MECOM: variants seen among roughly 807,000 people sequenced by gnomAD.
The protein encoded by MECOM is MDS1 and EVI1 complex locus.
Under a neutral mutation model 116.3 loss-of-function variants are expected in MECOM, and 13 were observed. The ratio of observed to expected loss-of-function variants is 0.11; its 90% CI spans 0.07 to 0.18. The LOEUF (loss-of-function observed/expected upper bound fraction) is 0.18. Ranked by LOEUF, MECOM falls within the 10% of genes least tolerant of loss-of-function variation. MECOM has a pLI of 1.00. For missense variants in MECOM, 1,299 were observed against 1,509.0 expected (o/e 0.86, Z 2.31); for synonymous variants, 528 against 535.2 (o/e 0.99, Z 0.19).
chr3:169,293,979 A>G (rs1330488874), intron 2 of MECOM, among the ~76,000 whole-genome samples: 1 of 152,186 alleles, frequency 6.6e-6, no homozygotes, highest in Non-Finnish European at 1.5e-5. Context: ...ATTTTGCCTA[A>G]TTCTAACATT....
At chr3:169,470,850 T>C (rs544713172) in intron 1 of MECOM, among the ~76,000 whole-genome samples, 1 of 152,262 alleles carries the variant, frequency 6.6e-6, no homozygotes, top group East Asian at 1.9e-4. Flanking sequence ...GATTTAGAGA[T>C]AGATTCAAAT....
chr3:169,582,682 A>G (rs1377777741), intron 1 of MECOM, among the ~76,000 whole-genome samples: 1 of 152,194 alleles, frequency 6.6e-6, no homozygotes, highest in South Asian at 2.1e-4. Context: ...CTGATGTTTC[A>G]TCCTTTCACC....
At chr3:169,247,958 C>A (rs1755799121) in intron 2 of MECOM, among the ~76,000 whole-genome samples, 1 of 152,128 alleles carries the variant, frequency 6.6e-6, no homozygotes, top group Non-Finnish European at 1.5e-5. Context: ...GACTTTTGCC[C>A]AGTGAACCTA....
intron 1 of MECOM, among the ~76,000 whole-genome samples, chr3:169,554,133 A>G (rs924376527): frequency 6.6e-6 from 1 of 152,168 alleles, no homozygotes; most frequent in Non-Finnish European, 1.5e-5. Context: ...TAGAAACCTC[A>G]TGGCCTTCCA....
chr3:169,334,922 C>T (rs1723347793), intron 2 of MECOM, among the ~76,000 whole-genome samples: 1 of 152,096 alleles, frequency 6.6e-6, no homozygotes, highest in African/African-American at 2.4e-5. Flanking sequence ...ATTTAGACTT[C>T]CCTTGCATAT....
intron 2 of MECOM, among the ~76,000 whole-genome samples, chr3:169,214,684 A>C (rs1751200952): frequency 6.6e-6 from 1 of 151,426 alleles, no homozygotes; most frequent in Non-Finnish European, 1.5e-5. Flanking sequence ...ATTTTTAATA[A>C]ACATATTTTT....
rs1560554373 is a variant in MECOM, at chr3:169,663,529, T to TCC, written c.-159_-158dup. On this transcript the variant is annotated 5_prime_UTR_variant, in exon 1 of 17. Coordinates refer to ENST00000651503, the MANE Select transcript of MECOM (RefSeq NM_004991.4). Reference sequence around the variant, plus strand: ...CTCTCTCTCTCTCTCTCTCTCTCTCTCCCTCCCTCCTGTTTCTCTCCTGTT... The same window carrying TCC: ...CTCTCTCTCTCTCTCTCTCTCTCTCTCCCCCTCCCTCCTGTTTCTCTCCTGTT... 23 of 559,898 alleles carry TCC rather than the reference T, an allele frequency of 4.1e-5. No individual in the cohort carries two copies. Among genetic ancestry groups the TCC allele is most frequent in the South Asian group, 1.2e-4 (6 of 48,090 alleles). 34.7% of individuals were successfully genotyped at this position (559,898 alleles called of 1,614,324 possible). A position where few individuals can be genotyped will look rare whatever the true frequency, so the allele number is the denominator to read the frequency against.
intron 1 of MECOM, among the ~76,000 whole-genome samples, chr3:169,584,053 C>A (rs1047488001): frequency 6.6e-6 from 1 of 152,188 alleles, no homozygotes; most frequent in Non-Finnish European, 1.5e-5. Flanking sequence ...CATGCATTTA[C>A]TCTATGAATT....
intron 1 of MECOM, among the ~76,000 whole-genome samples, chr3:169,646,043 T>C (rs1466589648): frequency 6.6e-6 from 1 of 152,168 alleles, no homozygotes; most frequent in East Asian, 1.9e-4. Flanking sequence ...GCTTCCAGCT[T>C]CATCCATGTC....
intron 2 of MECOM, among the ~76,000 whole-genome samples, chr3:169,343,568 C>G (rs1228448390): frequency 6.6e-6 from 1 of 152,084 alleles, no homozygotes; most frequent in Non-Finnish European, 1.5e-5. Context: ...CTGGAGTCTA[C>G]AAAACATTTT....
chr3:169,178,958 A>G (rs879804464), intron 2 of MECOM, among the ~76,000 whole-genome samples: 2 of 152,224 alleles, frequency 1.3e-5, no homozygotes, highest in Admixed American at 1.3e-4. Context: ...TTTGTTAAGT[A>G]AAATGAAAAG....
chr3:169,346,669 A>G (rs1725408136), intron 2 of MECOM, among the ~76,000 whole-genome samples: 3 of 152,040 alleles, frequency 2.0e-5, no homozygotes, highest in African/African-American at 7.2e-5. Context: ...ATCCTTAACT[A>G]CATGAAAAGA....
intron 1 of MECOM, among the ~76,000 whole-genome samples, chr3:169,594,178 A>AAAAAACACCTT (rs1553894686): frequency 0.084 from 11,547 of 138,036 alleles, 788 homozygotes; most frequent in African/African-American, 0.15. Flanking sequence ...AAAAAAAAAC[A>AAAAAACACCTT]CCTTTTCACC....
intron 1 of MECOM, among the ~76,000 whole-genome samples, chr3:169,455,514 T>C (rs557646722): frequency 2.0e-5 from 3 of 152,310 alleles, no homozygotes; most frequent in Admixed American, 1.3e-4. Flanking sequence ...TACTCTCTGA[T>C]TGATGGGTTA....
intron 2 of MECOM, among the ~76,000 whole-genome samples, chr3:169,320,668 AG>A (rs1460419335): frequency 1.3e-5 from 2 of 152,248 alleles, no homozygotes; most frequent in Admixed American, 6.5e-5. Context: ...GAATTTCAAT[AG>A]GGGACAAGTG....
At chr3:169,098,324 A>C (rs1261918608) in intron 12 of MECOM, among the ~76,000 whole-genome samples, 1 of 152,170 alleles carries the variant, frequency 6.6e-6, no homozygotes, top group African/African-American at 2.4e-5. Context: ...ACAGTTCCTC[A>C]GTCTTTCCTT....
intron 2 of MECOM, among the ~76,000 whole-genome samples, chr3:169,156,038 C>T (rs1310097364): frequency 6.6e-6 from 1 of 152,130 alleles, no homozygotes; most frequent in Non-Finnish European, 1.5e-5. Context: ...TACCTGTATA[C>T]TGTTTGATGG....
rs1717137750 is a variant in MECOM at position 169,084,873 on chromosome 3, T to C, written c.*36A>G. On this transcript the variant is annotated 3_prime_UTR_variant, in exon 17 of 17. Coordinates refer to ENST00000651503, the MANE Select transcript of MECOM (RefSeq NM_004991.4). ...CCTATATGAAAGAGCCATGCTACTG[T>C]TGGACTTGGTCCCACTCTGGTCAAC... 6 of 1,613,202 alleles carry C rather than the reference T, an allele frequency of 3.7e-6. No homozygotes were observed. The highest frequency in any genetic ancestry group is 2.7e-5 in the African/African-American group (2 of 74,906).
At chr3:169,591,929 A>C (rs936907639) in intron 1 of MECOM, among the ~76,000 whole-genome samples, 3 of 152,208 alleles carry the variant, frequency 2.0e-5, no homozygotes, top group African/African-American at 7.2e-5. Context: ...AAATACTCAT[A>C]AAATCAATGC....
Sources: gnomAD v4.1 joint callset for allele counts (sites outside exome capture counted in the v4.1 genomes callset) on GRCh38, gnomAD v4.1.1 for gene constraint, MANE v1.5 for transcripts, NCBI Gene and HGNC (gene_info 2026-07-23, HGNC 2026-07-21) for gene names.